The following NAV2 variants were observed in gnomAD, a reference collection of about 807,000 sequenced individuals.
The protein encoded by NAV2 is neuron navigator 2.
Under a neutral mutation model 223.2 loss-of-function variants are expected in NAV2, and 54 were observed. The observed-to-expected ratio is 0.24, with a 90% confidence interval of 0.19 to 0.30. NAV2 has a LOEUF of 0.30. Among genes scored for constraint, NAV2 ranks in the 10% least tolerant of loss-of-function variants. The pLI is 1.00. For missense variants in NAV2, 2,806 were observed against 3,147.5 expected, an observed-to-expected ratio of 0.89 and a Z score of 2.60; for synonymous variants, 1,279 against 1,239.3, an observed-to-expected ratio of 1.03 and a Z score of -0.67.
chr11:19,599,369 G>C (rs1038204374), intron 1 of NAV2, among the ~76,000 whole-genome samples: 1 of 151,922 alleles, frequency 6.6e-6, no homozygotes, highest in Non-Finnish European at 1.5e-5. Flanking sequence ...TCATCCATCC[G>C]GCCAACCTGC....
intron 1 of NAV2, among the ~76,000 whole-genome samples, chr11:19,365,353 A>G (rs1301341554): frequency 6.6e-6 from 1 of 152,148 alleles, no homozygotes; most frequent in Non-Finnish European, 1.5e-5. Flanking sequence ...CCTACCCGAT[A>G]CATCATTTCA....
intron 5 of NAV2, among the ~76,000 whole-genome samples, chr11:19,887,381 A>C (rs141038915): frequency 3.3e-4 from 50 of 151,998 alleles, no homozygotes; most frequent in African/African-American, 1.2e-3. Flanking sequence ...GGAAGCAGAG[A>C]AGCATAGTGG....
intron 10 of NAV2, among the ~76,000 whole-genome samples, chr11:19,966,088 T>C (rs1262258598): frequency 6.6e-6 from 1 of 152,176 alleles, no homozygotes; most frequent in Non-Finnish European, 1.5e-5. Context: ...TCACCTTTTA[T>C]CATCTAGCCT....
chr11:19,882,310 C>A (rs921997337), intron 5 of NAV2, among the ~76,000 whole-genome samples: 1 of 152,108 alleles, frequency 6.6e-6, no homozygotes, highest in African/African-American at 2.4e-5. Context: ...AAGAGGCCTG[C>A]AAACAGATTA....
chr11:19,998,680 T>C lies in NAV2; in HGVS notation c.2768+14433T>C, dbSNP rs1198140753. Among the ~76,000 whole-genome samples the C allele has an allele frequency of 6.7e-6, 1 of 150,306 alleles. No homozygotes were observed. Among genetic ancestry groups the C allele is most frequent in the African/African-American group, 2.4e-5 (1 of 41,250 alleles). ...CTTTCGTCAGAAGCTTTGCACATAC[T>C]GTCCCCTCTGCATAGACTGTGCTTC... On this transcript the variant is annotated intron_variant, in intron 11 of 37. Transcript: ENST00000349880. This position sits in a 1 kb window ranked among gnomAD's most constrained non-coding sequence, Gnocchi z 5.0.
At chr11:19,896,760 C>A (rs914556727) in intron 6 of NAV2, among the ~76,000 whole-genome samples, 41 of 152,066 alleles carry the variant, frequency 2.7e-4, no homozygotes, top group Non-Finnish European at 5.6e-4. Context: ...ACATTTAGTC[C>A]CAATTTTTAA....
intron 1 of NAV2, among the ~76,000 whole-genome samples, chr11:19,509,477 C>A (rs2129538): frequency 6.6e-6 from 1 of 152,146 alleles, no homozygotes; most frequent in African/African-American, 2.4e-5. Context: ...GCTTTTACTG[C>A]ATTCCATAGA....
chr11:19,792,848 G>A (rs1165525277), intron 1 of NAV2, among the ~76,000 whole-genome samples: 4 of 151,812 alleles, frequency 2.6e-5, no homozygotes, highest in Non-Finnish European at 5.9e-5. Flanking sequence ...TGTGAGGGAT[G>A]GGGGATGGAG....
intron 3 of NAV2, among the ~76,000 whole-genome samples, chr11:19,854,322 C>G (rs1316297699): frequency 6.6e-6 from 1 of 152,180 alleles, no homozygotes; most frequent in Non-Finnish European, 1.5e-5. Flanking sequence ...ATGTTGGAAA[C>G]TGGTCAGGTC....
intron 1 of NAV2, among the ~76,000 whole-genome samples, chr11:19,466,816 A>G (rs1852366543): frequency 6.6e-6 from 1 of 152,192 alleles, no homozygotes. Context: ...ACTAATTGTT[A>G]CAGAGATCTT....
intron 1 of NAV2, among the ~76,000 whole-genome samples, chr11:19,358,476 C>T (rs947603225): frequency 7.9e-5 from 12 of 152,142 alleles, no homozygotes; most frequent in Non-Finnish European, 1.8e-4. Flanking sequence ...CAGGGGATTT[C>T]TTCCTTAAGC....
At chr11:19,517,458 C>T (rs1415972612) in intron 1 of NAV2, among the ~76,000 whole-genome samples, 3 of 152,196 alleles carry the variant, frequency 2.0e-5, no homozygotes, top group African/African-American at 7.2e-5. Context: ...AAACTGCCCC[C>T]AAATTGCCCA....
chr11:20,066,518 T>C (rs1168586107), intron 20 of NAV2, among the ~76,000 whole-genome samples: 2 of 152,178 alleles, frequency 1.3e-5, no homozygotes, highest in African/African-American at 4.8e-5. Context: ...TCCGTGTATT[T>C]AAAAATTGGT....
intron 1 of NAV2, among the ~76,000 whole-genome samples, chr11:19,423,070 T>C (rs532471228): frequency 6.6e-6 from 1 of 152,354 alleles, no homozygotes; most frequent in East Asian, 1.9e-4. Flanking sequence ...TTATAATATA[T>C]GCAGGATATT....
At chr11:19,719,401 G>A (rs948482144) in intron 1 of NAV2, among the ~76,000 whole-genome samples, 3 of 152,144 alleles carry the variant, frequency 2.0e-5, no homozygotes, top group Admixed American at 1.3e-4. Flanking sequence ...TTTATTGAGA[G>A]GTCAGAGTTT....
chr11:19,979,680 T>C (rs974668360), intron 10 of NAV2, among the ~76,000 whole-genome samples: 1 of 152,198 alleles, frequency 6.6e-6, no homozygotes, highest in African/African-American at 2.4e-5. Context: ...CTAGTAGGTT[T>C]TGAGCTTCAC....
At chr11:19,614,212 T>C (rs2046725320) in intron 1 of NAV2, among the ~76,000 whole-genome samples, 2 of 152,178 alleles carry the variant, frequency 1.3e-5, no homozygotes, top group African/African-American at 4.8e-5. Context: ...AAATAAAATC[T>C]GGTGGGGGTT....
Position 20,105,726 on chromosome 11 carries a change from C to A in NAV2, c.6840C>A (p.Ile2280=). ...CTCACAGTTCCTCGGACGTCACCAT[C>A]GGTGGGTGGGAGACTGGGGTCAGGG... ...LEAHSSSDVT[I]GPRLFLSCPI... is the part of the protein sequence containing the mutation. Residue 2280 remains isoleucine, a splice_region_variant and synonymous_variant, in exon 35 of 38, where the codon ATC becomes ATA. Transcript: ENST00000349880. The A allele has an allele frequency of 1.2e-6, 2 of 1,610,002 alleles. No homozygotes were observed. Among genetic ancestry groups the A allele is most frequent in the Non-Finnish European group, 1.7e-6 (2 of 1,178,218 alleles).
At chr11:19,941,149 A>C (rs908240475) in intron 8 of NAV2, among the ~76,000 whole-genome samples, 1 of 152,100 alleles carries the variant, frequency 6.6e-6, no homozygotes, top group Non-Finnish European at 1.5e-5. Context: ...AATATTCCAA[A>C]TATTACTTAG....
Sources: gnomAD v4.1 joint callset for allele counts (sites outside exome capture counted in the v4.1 genomes callset) on GRCh38, gnomAD v4.1.1 for gene constraint, Gnocchi (gnomAD v3.1) non-coding constraint, MANE v1.5 for transcripts, NCBI Gene and HGNC (gene_info 2026-07-23, HGNC 2026-07-21) for gene names.